FAM168A: variants seen among roughly 807,000 people sequenced by gnomAD.
FAM168A encodes the protein family with sequence similarity 168 member A.
A neutral mutation model predicts 28.5 loss-of-function variants in FAM168A; 3 were observed. The ratio of observed to expected loss-of-function variants is 0.11; its 90% CI spans 0.05 to 0.27. The LOEUF (loss-of-function observed/expected upper bound fraction) is 0.27. FAM168A is among the 10% of genes least tolerant of loss of function. The pLI is 1.00. For missense variants in FAM168A, 222 were observed against 311.5 expected, an observed-to-expected ratio of 0.71 and a Z score of 2.16; for synonymous variants, 122 against 124.2, an observed-to-expected ratio of 0.98 and a Z score of 0.12.
chr11:73,580,375 A>G (rs1944228812), intron 1 of FAM168A: 2 of 610,630 alleles, frequency 3.3e-6, no homozygotes, highest in Middle Eastern at 6.0e-4. Context: ...CCCAGGCCAA[A>G]AAAGCCCCTG....
intron 1 of FAM168A, among the ~76,000 whole-genome samples, chr11:73,497,430 A>G (rs1202812279): frequency 1.3e-5 from 2 of 151,966 alleles, no homozygotes; most frequent in African/African-American, 4.8e-5. Flanking sequence ...GCCTGGCGAC[A>G]GAGAGTGACT....
At chr11:73,438,616 A>C (rs1867136504) in intron 2 of FAM168A, among the ~76,000 whole-genome samples, 1 of 152,202 alleles carries the variant, frequency 6.6e-6, no homozygotes, top group African/African-American at 2.4e-5. Context: ...GGAATTAATC[A>C]AAAAATAACA....
In FAM168A at chr11:73,402,129, G is replaced by C. The variant is rs1268587718; in HGVS notation, c.*4634C>G. ...CTCTCTGGATTCCCAAGCTTGGCAA[G>C]CAGCGGGGGCCGCACAGCCAGTAGT... On this transcript the variant is annotated 3_prime_UTR_variant, in exon 8 of 8. Transcript: ENST00000356467. 6.6e-6 allele frequency: 1 copy of C among 152,256 alleles called. No homozygotes were observed. Among genetic ancestry groups the C allele is most frequent in the African/African-American group, 2.4e-5 (1 of 41,466 alleles). 9.4% of individuals were successfully genotyped at this position (152,256 alleles called of 1,614,324 possible). A position where few individuals can be genotyped will look rare whatever the true frequency, so the allele number is the denominator to read the frequency against.
intron 1 of FAM168A, among the ~76,000 whole-genome samples, chr11:73,500,806 T>A (rs991540596): frequency 2.6e-5 from 4 of 152,086 alleles, no homozygotes; most frequent in Non-Finnish European, 5.9e-5. Flanking sequence ...CCAAACAGCA[T>A]CATGATGACA....
chr11:73,494,932 G>C (rs899097720), intron 1 of FAM168A, among the ~76,000 whole-genome samples: 1 of 151,950 alleles, frequency 6.6e-6, no homozygotes, highest in Non-Finnish European at 1.5e-5. Context: ...GAACCCAGGA[G>C]GCAGAGGCTG....
chr11:73,537,323 G>A (rs968321091), intron 1 of FAM168A, among the ~76,000 whole-genome samples: 1 of 152,122 alleles, frequency 6.6e-6, no homozygotes, highest in African/African-American at 2.4e-5. Context: ...CAATTTGGGA[G>A]GCCGAGGCTG....
chr11:73,480,856 T>C (rs1867958464), intron 1 of FAM168A, among the ~76,000 whole-genome samples: 1 of 152,212 alleles, frequency 6.6e-6, no homozygotes, highest in Non-Finnish European at 1.5e-5. Flanking sequence ...TGTTTCACAA[T>C]CCAGATGTAT....
chr11:73,412,515 G>A (rs112868212), intron 4 of FAM168A, among the ~76,000 whole-genome samples: 42 of 152,334 alleles, frequency 2.8e-4, no homozygotes, highest in African/African-American at 9.9e-4. Flanking sequence ...CTTGAAACAT[G>A]AGTCATTCAG....
chr11:73,483,287 C>T (rs574635288), intron 1 of FAM168A, among the ~76,000 whole-genome samples: 2 of 152,246 alleles, frequency 1.3e-5, no homozygotes, highest in South Asian at 2.1e-4. Flanking sequence ...CCATAGGGAC[C>T]CAAGGCACTG....
intron 3 of FAM168A, among the ~76,000 whole-genome samples, chr11:73,427,258 T>G (rs1421750614): frequency 6.6e-6 from 1 of 151,894 alleles, no homozygotes. Flanking sequence ...CCCAAAGTGC[T>G]GAGATTACAG....
intron 1 of FAM168A, among the ~76,000 whole-genome samples, chr11:73,486,206 A>G (rs1302460599): frequency 1.3e-5 from 2 of 152,214 alleles, no homozygotes; most frequent in Non-Finnish European, 2.9e-5. Context: ...CAATATACAT[A>G]ACACAAAATT....
rs866781223 is a variant in FAM168A, at chr11:73,522,036, C to A, written c.-18-53544G>T. ...TACTTTACTAAAAGGAGGAAAAAAA[C>A]CAAGGAAAGTAATGGAGCATAGCTT... On this transcript the variant is annotated intron_variant, in intron 1 of 7. Coordinates refer to ENST00000356467, the MANE Select transcript of FAM168A (RefSeq NM_015159.3). Among the ~76,000 whole-genome samples the A allele has an allele frequency of 7.2e-5, 11 of 152,186 alleles. No homozygotes were observed. The Middle Eastern group carries it at 0.01, about 141-fold the overall frequency.
At chr11:73,407,198 T>C (rs536467239) in intron 7 of FAM168A, among the ~76,000 whole-genome samples, 1 of 152,222 alleles carries the variant, frequency 6.6e-6, no homozygotes, top group Non-Finnish European at 1.5e-5. Flanking sequence ...CTAAGTGATA[T>C]TTAACTACAT....
intron 1 of FAM168A, among the ~76,000 whole-genome samples, chr11:73,588,247 T>C (rs1944339024): frequency 6.6e-6 from 1 of 152,180 alleles, no homozygotes; most frequent in African/African-American, 2.4e-5. Context: ...AAATGAACAA[T>C]GTGAGACTGT....
intron 1 of FAM168A, among the ~76,000 whole-genome samples, chr11:73,548,239 C>T (rs1419242372): frequency 2.0e-5 from 3 of 151,904 alleles, no homozygotes; most frequent in Admixed American, 6.6e-5. Flanking sequence ...TGTTTTTCAT[C>T]ACAATTTATA....
chr11:73,584,677 C>T (rs1944289967), intron 1 of FAM168A, among the ~76,000 whole-genome samples: 2 of 151,780 alleles, frequency 1.3e-5, no homozygotes, highest in South Asian at 2.1e-4. Context: ...CAGGGTTTCA[C>T]CGTGTTAGCC....
At chr11:73,415,235 T>C (rs1866676771) in intron 4 of FAM168A, among the ~76,000 whole-genome samples, 1 of 152,234 alleles carries the variant, frequency 6.6e-6, no homozygotes, top group African/African-American at 2.4e-5. Context: ...CCTTGCTTGT[T>C]TGTCCAGACA....
At chr11:73,469,563 G>A (rs140734446) in intron 1 of FAM168A, among the ~76,000 whole-genome samples, 2 of 152,270 alleles carry the variant, frequency 1.3e-5, no homozygotes, top group African/African-American at 4.8e-5. Context: ...GGCTAACAAG[G>A]AGAGGAAGCT....
At chr11:73,574,701 G>A (rs1944150414) in intron 1 of FAM168A, among the ~76,000 whole-genome samples, 1 of 146,006 alleles carries the variant, frequency 6.8e-6, no homozygotes, top group South Asian at 2.2e-4. Flanking sequence ...TAGCTGGGAT[G>A]TGCCACTACA....
Sources: allele counts gnomAD v4.1 joint callset (sites outside exome capture counted in the v4.1 genomes callset), GRCh38; gene constraint gnomAD v4.1.1; transcripts MANE v1.5; gene names NCBI Gene and HGNC (gene_info 2026-07-23, HGNC 2026-07-21).